The following KDM5A variants were observed in gnomAD, a reference collection of about 807,000 sequenced individuals.
The protein encoded by KDM5A is lysine-specific demethylase 5A.
Under a neutral mutation model 193.5 loss-of-function variants are expected in KDM5A, and 42 were observed. That is an observed-to-expected ratio of 0.22 (90% confidence interval 0.17 to 0.28). The LOEUF (loss-of-function observed/expected upper bound fraction) is 0.28. Among genes scored for constraint, KDM5A ranks in the 10% least tolerant of loss-of-function variants. KDM5A has a pLI of 1.00. For synonymous variants in KDM5A, 796 were observed against 718.1 expected (o/e 1.11, Z -1.73); for missense variants, 1,692 against 2,055.1 (o/e 0.82, Z 3.42).
At chr12:341,042 ATTAG>A (rs1437623283) in intron 10 of KDM5A, among the ~76,000 whole-genome samples, 1 of 152,236 alleles carries the variant, frequency 6.6e-6, no homozygotes, top group African/African-American at 2.4e-5. Flanking sequence ...CATTCTTAAT[ATTAG>A]TTACTTAGGG....
intron 5 of KDM5A, 143 bp downstream of exon 5, chr12:362,820 G>A: frequency 1.4e-6 from 1 of 716,938 alleles, no homozygotes. Flanking sequence ...CATGAGCCAG[G>A]CACAGCAGCG....
chr12:348,215 T>C lies in KDM5A; in HGVS notation c.1308+2406A>G, dbSNP rs537348909. ...AATGCAAATCAAAACCACAATGAGATACCATCTCACACCAGTTAGAATGGC... is the reference window on the plus strand; with the variant it reads ...AATGCAAATCAAAACCACAATGAGACACCATCTCACACCAGTTAGAATGGC... On this transcript the variant is annotated intron_variant, in intron 10 of 27. Coordinates refer to ENST00000399788, the MANE Select transcript of KDM5A (RefSeq NM_001042603.3). Among the ~76,000 whole-genome samples, 338 of 152,252 alleles carry C rather than the reference T, an allele frequency of 2.2e-3. 2 individuals carry two copies. Among genetic ancestry groups the C allele is most frequent in the African/African-American group, 7.6e-3 (317 of 41,538 alleles).
intron 10 of KDM5A, among the ~76,000 whole-genome samples, chr12:337,226 T>C (rs1258006167): frequency 1.3e-5 from 2 of 152,232 alleles, no homozygotes; most frequent in Non-Finnish European, 2.9e-5. Context: ...TCCTCAGCCA[T>C]GCTACCTGTT....
intron 8 of KDM5A, among the ~76,000 whole-genome samples, chr12:353,723 C>T (rs560871153): frequency 8.7e-4 from 133 of 152,164 alleles, no homozygotes; most frequent in Non-Finnish European, 1.4e-3. Context: ...GAGACCGAGA[C>T]TATCCTGGCC....
At position 328,897 on chromosome 12, in the gene KDM5A, A is replaced by C; in HGVS notation, c.1906T>G (p.Cys636Gly). Residue 636 changes from cysteine to glycine, a missense_variant, in exon 14 of 28, where the codon TGC (cysteine) becomes GGC (glycine). Cys to Gly is a radical substitution (Grantham distance 159). Transcript: ENST00000399788. ...CLDVGLAAMV[C>G]KELTLMTEEE... ...TCAGTCATGAGAGTCAATTCTTTGC[A>C]GACCATGGCAGCCAGCCCCACATCT... 1 of 1,614,230 alleles carries C rather than the reference A, an allele frequency of 6.2e-7. No homozygotes were observed. The highest frequency in any genetic ancestry group is 8.5e-7 in the Non-Finnish European group (1 of 1,180,044).
intron 10 of KDM5A, among the ~76,000 whole-genome samples, chr12:336,551 A>T (rs1277176823): frequency 6.6e-6 from 1 of 152,196 alleles, no homozygotes; most frequent in Non-Finnish European, 1.5e-5. Flanking sequence ...TGGCTGAAAA[A>T]TAGTGAATTT....
chr12:320,854 AG>A, intron 18 of KDM5A, 140 bp downstream of exon 18: 2 of 678,456 alleles, frequency 2.9e-6, no homozygotes, highest in Non-Finnish European at 5.4e-6. Flanking sequence ...TGCCTACTAA[AG>A]AACCTCAAAT....
chr12:330,713 G>GA (rs1284145978), intron 13 of KDM5A, among the ~76,000 whole-genome samples: 1 of 152,102 alleles, frequency 6.6e-6, no homozygotes, highest in Non-Finnish European at 1.5e-5. Context: ...AGCCTAATAA[G>GA]AAAAAAGTTC....
chr12:384,043 A>G lies in KDM5A; in HGVS notation c.354T>C (p.Tyr118=). Residue 118 remains tyrosine, a synonymous_variant, in exon 3 of 28, where the codon TAT becomes TAC. Transcript: ENST00000399788. ...PVVERKILDL[Y]ALSKIVASKG... is the part of the protein sequence containing the mutation. ...GTATGAGCCTCACCTTGCTCAAAGC[A>G]TACAGATCCAGGATTTTTCTCTCTA... 1 of 1,614,038 alleles carries G rather than the reference A, an allele frequency of 6.2e-7. No individual in the cohort carries two copies. The highest frequency in any genetic ancestry group is 8.5e-7 in the Non-Finnish European group (1 of 1,179,890).
intron 9 of KDM5A, among the ~76,000 whole-genome samples, chr12:351,576 C>A (rs2137450165): frequency 6.6e-6 from 1 of 152,178 alleles, no homozygotes; most frequent in Admixed American, 6.5e-5. Flanking sequence ...AAGAAGCAAA[C>A]CCCACAGTAA....
chr12:383,606 G>A (rs930664033), intron 3 of KDM5A, among the ~76,000 whole-genome samples: 2 of 152,044 alleles, frequency 1.3e-5, no homozygotes, highest in African/African-American at 4.8e-5. Context: ...GCAGGCTAGA[G>A]TAATTTATTT....
At chr12:310,138 A>G (rs1479887113) in intron 21 of KDM5A, among the ~76,000 whole-genome samples, 174 bp from the exon 22 acceptor site, 1 of 152,218 alleles carries the variant, frequency 6.6e-6, no homozygotes, top group East Asian at 1.9e-4. Flanking sequence ...AGGTATTAAT[A>G]TCTACATTTT....
chr12:346,389 C>T (rs556832656), intron 10 of KDM5A, among the ~76,000 whole-genome samples: 4 of 152,060 alleles, frequency 2.6e-5, no homozygotes, highest in Admixed American at 6.6e-5. Flanking sequence ...TAGAAAAAGA[C>T]GGAATCCTCC....
chr12:384,938 C>T (rs965957888), intron 2 of KDM5A, among the ~76,000 whole-genome samples: 3 of 152,090 alleles, frequency 2.0e-5, no homozygotes, highest in African/African-American at 7.2e-5. Flanking sequence ...GCCTGTAATC[C>T]CAGCACTTTG....
intron 27 of KDM5A, among the ~76,000 whole-genome samples, chr12:288,392 TAGG>T (rs1943248104): frequency 6.6e-6 from 1 of 152,324 alleles, no homozygotes; most frequent in East Asian, 1.9e-4. Flanking sequence ...TATTAAATGA[TAGG>T]AGATTTTACA....
At chr12:326,486 G>A (rs181024902) in intron 14 of KDM5A, among the ~76,000 whole-genome samples, 4 of 152,290 alleles carry the variant, frequency 2.6e-5, no homozygotes, top group African/African-American at 9.6e-5. Context: ...AAAAACAGTA[G>A]AGCAAATGTT....
chr12:307,390 A>G lies in KDM5A; in HGVS notation c.3930+64T>C. ...CCTAATCAATTGGTAAGACAGACTC[A>G]ATTTACTATTTATACACTGACATAT... On this transcript the variant is annotated intron_variant, in intron 23 of 27. Transcript: ENST00000399788. The surrounding 1 kb of genome is among the most constrained non-coding windows in gnomAD (Gnocchi z 4.3). The G allele has an allele frequency of 4.0e-6, 6 of 1,513,652 alleles. No homozygotes were observed. Among genetic ancestry groups the G allele is most frequent in the Non-Finnish European group, 4.6e-6 (5 of 1,091,154 alleles). The allele number at this position is 1,513,652 out of a possible 1,614,324, so 93.8% of individuals were successfully genotyped here. A position where few individuals can be genotyped will look rare whatever the true frequency, so the allele number is the denominator to read the frequency against.
At chr12:322,696 A>G (rs1349432043) in intron 16 of KDM5A, 129 bp from the exon 17 acceptor site, 1 of 779,180 alleles carries the variant, frequency 1.3e-6, no homozygotes, top group Non-Finnish European at 2.1e-6. Context: ...AGTAGAAACA[A>G]ACAGCTGTGA....
chr12:318,414 G>T lies in KDM5A; in HGVS notation c.2589C>A (p.Ala863=). The T allele has an allele frequency of 6.2e-7, 1 of 1,614,026 alleles. No individual in the cohort carries two copies. Among genetic ancestry groups the T allele is most frequent in the Non-Finnish European group, 8.5e-7 (1 of 1,179,952 alleles). Residue 863 remains alanine (A), a synonymous_variant, in exon 19 of 28, where the codon GCC becomes GCA. Coordinates refer to ENST00000399788, the MANE Select transcript of KDM5A (RefSeq NM_001042603.3). ...VEEFHERAQE[A]MMDETPDSSK... The stretch of plus-strand genomic sequence containing the variant: ...AAGAATCTGGGGTTTCATCCATCAT[G>T]GCCTCCTGAGCACGTTCATGAAACT...
Sources: gnomAD v4.1 joint callset for allele counts (sites outside exome capture counted in the v4.1 genomes callset) on GRCh38, gnomAD v4.1.1 for gene constraint, Gnocchi (gnomAD v3.1) non-coding constraint, MANE v1.5 for transcripts, NCBI Gene and HGNC (gene_info 2026-07-23, HGNC 2026-07-21) for gene names.